The following FAM171A1 variants were observed in gnomAD, a reference collection of about 807,000 sequenced individuals.
The protein encoded by FAM171A1 is family with sequence similarity 171 member A1, also known as protein FAM171A1.
A neutral mutation model predicts 74.9 loss-of-function variants in FAM171A1; 23 were observed. That is an observed-to-expected ratio of 0.31 (90% confidence interval 0.22 to 0.44). The LOEUF is 0.44. FAM171A1 is among the 20% of genes least tolerant of loss of function. FAM171A1 has a pLI of 1.00. For missense variants in FAM171A1, 1,162 were observed against 1,159.2 expected, an observed-to-expected ratio of 1.00 and a Z score of -0.03; for synonymous variants, 527 against 505.7, an observed-to-expected ratio of 1.04 and a Z score of -0.57.
intron 1 of FAM171A1, among the ~76,000 whole-genome samples, chr10:15,313,655 C>A (rs1409929926): frequency 6.6e-6 from 1 of 152,160 alleles, no homozygotes; most frequent in African/African-American, 2.4e-5. Context: ...CCAAGTCTTT[C>A]ATAAGAAATC....
chr10:15,366,975 G>A (rs915801420), intron 1 of FAM171A1, among the ~76,000 whole-genome samples: 1 of 152,128 alleles, frequency 6.6e-6, no homozygotes, highest in African/African-American at 2.4e-5. Flanking sequence ...GAGGCAGGCG[G>A]ATCACAAGGT....
At chr10:15,255,196 T>G (rs1488330503) in intron 3 of FAM171A1, among the ~76,000 whole-genome samples, 1 of 152,196 alleles carries the variant, frequency 6.6e-6, no homozygotes, top group Non-Finnish European at 1.5e-5. Context: ...TGGGTAGCAT[T>G]TTGGGAAACT....
At chr10:15,347,834 CAAAAAAAAAAAAA>C (rs71390034) in intron 1 of FAM171A1, among the ~76,000 whole-genome samples, 3 of 94,268 alleles carry the variant, frequency 3.2e-5, no homozygotes, top group African/African-American at 9.0e-5. Context: ...GACTCCATCT[CAAAAAAAAAAAAA>C]AAAAAAAAAA....
chr10:15,256,507 G>A (rs1475542470), intron 3 of FAM171A1, among the ~76,000 whole-genome samples: 1 of 152,118 alleles, frequency 6.6e-6, no homozygotes, highest in Non-Finnish European at 1.5e-5. Context: ...GCGAGCAGGT[G>A]CCCAAAATCA....
rs1834848430 is a variant in FAM171A1 at position 15,273,129 on chromosome 10, A to C, written c.418+2726T>G. 2.0e-5 allele frequency among the ~76,000 whole-genome samples: 3 copies of C among 152,154 alleles called. No homozygotes were observed. In the South Asian group the frequency reaches 6.2e-4, roughly 31 times the overall value. On this transcript the variant is annotated intron_variant, in intron 3 of 7. Coordinates refer to ENST00000378116, the MANE Select transcript of FAM171A1 (RefSeq NM_001010924.2). ...CTGGTTTTTTGAAAAGATCAACAAA[A>C]TTGATAGACCACTAGCAAGACTAAT...
intron 1 of FAM171A1, among the ~76,000 whole-genome samples, chr10:15,330,710 CTTCTTTTTTTTTTT>C (rs1252752012): frequency 1.4e-5 from 1 of 69,546 alleles, no homozygotes; most frequent in East Asian, 5.4e-4. Flanking sequence ...TTTTCTTCTT[CTTCTTTTTTTTTTT>C]TTTTTTTTTT....
intron 1 of FAM171A1, among the ~76,000 whole-genome samples, chr10:15,289,541 C>T (rs1174696713): frequency 2.6e-5 from 4 of 152,132 alleles, no homozygotes; most frequent in Non-Finnish European, 5.9e-5. Flanking sequence ...AGGCCTTCAC[C>T]ATCCATCACC....
chr10:15,248,588 C>A, intron 5 of FAM171A1, 51 bp downstream of exon 5: 2 of 1,526,272 alleles, frequency 1.3e-6, no homozygotes, highest in Non-Finnish European at 1.8e-6. Context: ...GAAAACCAAA[C>A]AGTAACGAAG....
At chr10:15,309,718 C>G (rs544767279) in intron 1 of FAM171A1, among the ~76,000 whole-genome samples, 6 of 152,172 alleles carry the variant, frequency 3.9e-5, no homozygotes, top group Non-Finnish European at 8.8e-5. Flanking sequence ...GAAGCTAATC[C>G]CACCTAACTT....
At chr10:15,295,187 C>G (rs913476417) in intron 1 of FAM171A1, among the ~76,000 whole-genome samples, 5 of 152,292 alleles carry the variant, frequency 3.3e-5, no homozygotes, top group African/African-American at 1.2e-4. Context: ...ATCCACCTGC[C>G]TCGGCCTCCC....
At chr10:15,242,834 T>C (rs1834379709) in intron 5 of FAM171A1, among the ~76,000 whole-genome samples, 1 of 152,156 alleles carries the variant, frequency 6.6e-6, no homozygotes. Context: ...ACAATGAAGA[T>C]TCCCAATGTA....
chr10:15,290,544 A>G (rs1212272794), intron 1 of FAM171A1, among the ~76,000 whole-genome samples: 1 of 152,104 alleles, frequency 6.6e-6, no homozygotes. Context: ...CCTTGGGCCA[A>G]CTGTGGGGGT....
At chr10:15,277,247 C>CA (rs1350701873) in intron 2 of FAM171A1, among the ~76,000 whole-genome samples, 1 of 152,080 alleles carries the variant, frequency 6.6e-6, no homozygotes, top group Non-Finnish European at 1.5e-5. Context: ...GACAGAGTTT[C>CA]ACTCTTGTTG....
intron 1 of FAM171A1, among the ~76,000 whole-genome samples, chr10:15,355,073 G>A (rs572237447): frequency 4.6e-5 from 7 of 152,170 alleles, no homozygotes; most frequent in Non-Finnish European, 1.0e-4. Flanking sequence ...GCTGCTTAGG[G>A]ATTAAGATAT....
intron 5 of FAM171A1, among the ~76,000 whole-genome samples, chr10:15,226,367 A>G (rs936075333): frequency 1.3e-5 from 2 of 152,202 alleles, no homozygotes; most frequent in Non-Finnish European, 2.9e-5. Flanking sequence ...ATTCTGCGTT[A>G]CTGAAATTTC....
intron 1 of FAM171A1, among the ~76,000 whole-genome samples, chr10:15,336,238 C>T (rs1031492641): frequency 2.0e-5 from 3 of 152,160 alleles, no homozygotes; most frequent in African/African-American, 7.2e-5. Flanking sequence ...ATGGCATCTG[C>T]CACCCCCAGG....
intron 1 of FAM171A1, among the ~76,000 whole-genome samples, chr10:15,292,763 G>C (rs1835117316): frequency 1.3e-5 from 2 of 152,096 alleles, no homozygotes; most frequent in Non-Finnish European, 2.9e-5. Flanking sequence ...TGGGATTACA[G>C]GGGTGAGCCA....
At chr10:15,359,740 C>T (rs1446754614) in intron 1 of FAM171A1, among the ~76,000 whole-genome samples, 1 of 152,148 alleles carries the variant, frequency 6.6e-6, no homozygotes, top group African/African-American at 2.4e-5. Context: ...AAGGGTAAGT[C>T]AGAGCAACTG....
At chr10:15,254,999 C>CA (rs1163810166) in intron 3 of FAM171A1, 120 bp from the exon 4 acceptor site, 1 of 788,290 alleles carries the variant, frequency 1.3e-6, no homozygotes, top group Non-Finnish European at 2.0e-6. Flanking sequence ...CTCCCTCTCA[C>CA]AAGGCCTCCC....
Sources: allele counts gnomAD v4.1 joint callset (sites outside exome capture counted in the v4.1 genomes callset), GRCh38; gene constraint gnomAD v4.1.1; transcripts MANE v1.5; gene names NCBI Gene and HGNC (gene_info 2026-07-23, HGNC 2026-07-21).